CSMD3: variants seen among roughly 807,000 people sequenced by gnomAD.
The protein encoded by CSMD3 is CUB and sushi domain-containing protein 3.
Under a neutral mutation model 435.2 loss-of-function variants are expected in CSMD3, and 177 were observed. The observed-to-expected ratio is 0.41, with a 90% CI of 0.36 to 0.46. The LOEUF (loss-of-function observed/expected upper bound fraction) is 0.46, where lower values mean the gene tolerates loss of function less well. Among genes scored for constraint, CSMD3 ranks in the 20% least tolerant of loss-of-function variants. The probability of loss-of-function intolerance (pLI) is 0.34; values close to 1 mark genes in which losing one functional copy is unlikely to be tolerated. For missense variants in CSMD3, 4,265 were observed against 4,504.6 expected (o/e 0.95, Z 1.52); for synonymous variants, 1,656 against 1,520.5 (o/e 1.09, Z -2.07).
In CSMD3 at chr8:112,408,384, G is replaced by C. The variant is rs777147455; in HGVS notation, c.5539C>G (p.Gln1847Glu). 1 of 1,610,370 alleles carries C rather than the reference G, an allele frequency of 6.2e-7. No homozygotes were observed. The highest frequency in any genetic ancestry group is 8.5e-7 in the Non-Finnish European group (1 of 1,177,076). The change falls in exon 34 of 71, where the codon CAG becomes GAG. Residue 1847 changes from glutamine to glutamate, a missense_variant. Transcript: ENST00000297405. Reference protein sequence around the residue: ...GESLPLSSGNQITIRFTSVGP... With the variant: ...GESLPLSSGNEITIRFTSVGP... ...ACTGAAGTAAATCGAATTGTGATCT[G>C]ATTACCTGAACTCAGTGGAAGTGAT...
At chr8:112,451,342 A>G (rs1275857997) in intron 32 of CSMD3, among the ~76,000 whole-genome samples, 1 of 152,122 alleles carries the variant, frequency 6.6e-6, no homozygotes, top group East Asian at 1.9e-4. Flanking sequence ...TTTTTAAAAG[A>G]TTATGGAAGT....
At chr8:112,697,049 A>G (rs1328042503) in intron 13 of CSMD3, among the ~76,000 whole-genome samples, 4 of 149,886 alleles carry the variant, frequency 2.7e-5, no homozygotes, top group African/African-American at 9.9e-5. Flanking sequence ...ACCAGTTAGA[A>G]TGGTGATCAT....
chr8:112,958,925 G>A (rs1164076435), intron 7 of CSMD3, among the ~76,000 whole-genome samples: 1 of 152,018 alleles, frequency 6.6e-6, no homozygotes, highest in Non-Finnish European at 1.5e-5. Context: ...TGTAGTAGAA[G>A]GAATTTAAGT....
chr8:112,865,489 T>C (rs1564039656), intron 10 of CSMD3, among the ~76,000 whole-genome samples: 1 of 152,128 alleles, frequency 6.6e-6, no homozygotes, highest in Non-Finnish European at 1.5e-5. Context: ...TTCTTAGAAT[T>C]TGTAAATTCT....
At chr8:112,732,016 G>A (rs2077085969) in intron 13 of CSMD3, among the ~76,000 whole-genome samples, 1 of 152,036 alleles carries the variant, frequency 6.6e-6, no homozygotes, top group Admixed American at 6.6e-5. Context: ...CGCATGAAAG[G>A]TCTAGTCGTG....
At chr8:112,695,476 A>T (rs1333521015) in intron 13 of CSMD3, among the ~76,000 whole-genome samples, 22 of 152,214 alleles carry the variant, frequency 1.4e-4, no homozygotes, top group Non-Finnish European at 1.8e-4. Context: ...ACCAAAGACA[A>T]AAATCACATG....
intron 6 of CSMD3, among the ~76,000 whole-genome samples, chr8:112,991,309 A>C (rs962514817): frequency 6.6e-6 from 1 of 151,764 alleles, no homozygotes; most frequent in African/African-American, 2.4e-5. Flanking sequence ...CATGTTGTAG[A>C]ATTTCAGTCA....
chr8:113,175,748 T>C (rs1394232880), intron 3 of CSMD3, among the ~76,000 whole-genome samples: 1 of 152,010 alleles, frequency 6.6e-6, no homozygotes, highest in East Asian at 1.9e-4. Flanking sequence ...AATATAGTAA[T>C]AACAAAGGAG....
intron 3 of CSMD3, among the ~76,000 whole-genome samples, chr8:113,242,229 A>G (rs2093226639): frequency 6.6e-6 from 1 of 151,942 alleles, no homozygotes; most frequent in Admixed American, 6.6e-5. Flanking sequence ...CTTGATTCTT[A>G]GGCACATATA....
chr8:113,326,259 A>G (rs2093983183), intron 1 of CSMD3, among the ~76,000 whole-genome samples: 1 of 152,160 alleles, frequency 6.6e-6, no homozygotes, highest in African/African-American at 2.4e-5. Context: ...ACATGTTGAT[A>G]GAGTTCAGTT....
chr8:112,286,806 A>G (rs182268657), intron 58 of CSMD3, among the ~76,000 whole-genome samples: 1 of 152,224 alleles, frequency 6.6e-6, no homozygotes, highest in East Asian at 1.9e-4. Context: ...ACAAATATAT[A>G]TTACTTTTTA....
chr8:112,593,812 T>G (rs1212292980), intron 22 of CSMD3, among the ~76,000 whole-genome samples: 1 of 152,124 alleles, frequency 6.6e-6, no homozygotes, highest in African/African-American at 2.4e-5. Flanking sequence ...GAGAGTACAT[T>G]GATTTGGGCA....
At chr8:112,527,727 G>A (rs1825118081) in intron 27 of CSMD3, among the ~76,000 whole-genome samples, 1 of 151,864 alleles carries the variant, frequency 6.6e-6, no homozygotes, top group African/African-American at 2.4e-5. Context: ...TTAACTGAAT[G>A]TATAATATAT....
intron 38 of CSMD3, among the ~76,000 whole-genome samples, chr8:112,362,049 A>C (rs1827295398): frequency 6.6e-6 from 1 of 151,956 alleles, no homozygotes; most frequent in Admixed American, 6.6e-5. Flanking sequence ...TATAAAGATA[A>C]GAGTTCAAGA....
At chr8:113,124,190 C>T (rs761211826) in intron 4 of CSMD3, among the ~76,000 whole-genome samples, 12 of 151,980 alleles carry the variant, frequency 7.9e-5, no homozygotes, top group Middle Eastern at 6.8e-3. Flanking sequence ...ATAATAGAAA[C>T]AGTAAAGCAA....
At chr8:113,321,981 G>A (rs552049128) in intron 1 of CSMD3, among the ~76,000 whole-genome samples, 2 of 152,040 alleles carry the variant, frequency 1.3e-5, no homozygotes. Flanking sequence ...CCTCAGAGAG[G>A]CCTTTGTTTT....
chr8:112,853,689 A>G (rs1204874254), intron 11 of CSMD3, among the ~76,000 whole-genome samples: 1 of 152,218 alleles, frequency 6.6e-6, no homozygotes, highest in Non-Finnish European at 1.5e-5. Flanking sequence ...TTGATATCCA[A>G]TCTAACAGGT....
At chr8:112,985,012 A>ATAGATAGAT (rs2085202329) in intron 6 of CSMD3, among the ~76,000 whole-genome samples, 1 of 151,876 alleles carries the variant, frequency 6.6e-6, no homozygotes, top group South Asian at 2.1e-4. Flanking sequence ...AGATAGATAG[A>ATAGATAGAT]TAGATAGATA....
rs1456311008 is a variant in CSMD3 at position 113,022,723 on chromosome 8, T to C, written c.918-3544A>G. The stretch of plus-strand genomic sequence containing the variant: ...GTCATACATTTGTTCCCTAATACTC[T>C]AGTTATTTGTATCAGAAAATTTGAC... On this transcript the variant is annotated intron_variant, in intron 5 of 70. Transcript: ENST00000297405. Among the ~76,000 whole-genome samples, 5 of 151,676 alleles carry C rather than the reference T, an allele frequency of 3.3e-5. No homozygotes were observed. In the East Asian group the frequency reaches 9.7e-4, roughly 29 times the overall value.
Sources: gnomAD v4.1 joint callset for allele counts (sites outside exome capture counted in the v4.1 genomes callset) on GRCh38, gnomAD v4.1.1 for gene constraint, MANE v1.5 for transcripts, NCBI Gene and HGNC (gene_info 2026-07-23, HGNC 2026-07-21) for gene names.